The following ABI2 variants were observed in gnomAD, a reference collection of about 807,000 sequenced individuals.
ABI2 encodes abl interactor 2.
A neutral mutation model predicts 59.2 loss-of-function variants in ABI2; 25 were observed. The ratio of observed to expected loss-of-function variants is 0.42; its 90% confidence interval spans 0.31 to 0.59. ABI2 has a LOEUF of 0.59. Ranked by LOEUF, ABI2 falls within the 20% of genes least tolerant of loss-of-function variation. The probability of loss-of-function intolerance (pLI) is 0.14; values close to 1 mark genes in which losing one functional copy is unlikely to be tolerated. For synonymous variants in ABI2, 213 were observed against 235.5 expected (o/e 0.90, Z 0.87); for missense variants, 545 against 681.8 (o/e 0.80, Z 2.23).
chr2:203,335,977 AAC>A (rs1240049770), intron 1 of ABI2, among the ~76,000 whole-genome samples: 11 of 152,166 alleles, frequency 7.2e-5, no homozygotes, highest in Non-Finnish European at 1.6e-4. Context: ...GCCTTTGGTA[AAC>A]ACTGATATAT....
At chr2:203,368,845 C>CT (rs1429448552) in intron 2 of ABI2, among the ~76,000 whole-genome samples, 1 of 151,014 alleles carries the variant, frequency 6.6e-6, no homozygotes, top group African/African-American at 2.4e-5. Context: ...GAGACAAAGT[C>CT]TTGCCCTGTT....
In ABI2 at chr2:203,395,660, A is replaced by C; in HGVS notation, c.730A>C (p.Ser244Arg). 6.2e-7 allele frequency: 1 copy of C among 1,609,456 alleles called. No homozygotes were observed. The highest frequency in any genetic ancestry group is 2.2e-5 in the East Asian group (1 of 44,568). ...VNQRNRTYSSSGSSGGSHPSS... is the reference protein window; with the variant it reads ...VNQRNRTYSSRGSSGGSHPSS... The stretch of plus-strand genomic sequence containing the variant: ...TGGTGGCTCTTATTTCTTTAGCAGC[A>C]GTGGGAGTAGTGGAGGGAGCCACCC... The change falls in exon 7 of 12, where the codon AGT becomes CGT. Residue 244 changes from serine (S) to arginine (R), a missense_variant. Physicochemically the swap from Ser to Arg is moderately radical, Grantham distance 110. Coordinates refer to ENST00000261018, the MANE Select transcript of ABI2 (RefSeq NM_001375670.1).
At chr2:203,416,108 G>C (rs557500454) in intron 10 of ABI2, among the ~76,000 whole-genome samples, 1 of 152,224 alleles carries the variant, frequency 6.6e-6, no homozygotes, top group South Asian at 2.1e-4. Context: ...TTCATTAAGA[G>C]GAAAGTAGTG....
At chr2:203,388,210 T>C (rs578036354) in intron 4 of ABI2, among the ~76,000 whole-genome samples, 4 of 152,290 alleles carry the variant, frequency 2.6e-5, no homozygotes, top group African/African-American at 7.2e-5. Context: ...TGAGGAAATA[T>C]TGAAAAACTC....
intron 11 of ABI2, among the ~76,000 whole-genome samples, chr2:203,417,308 A>G (rs1239262841): frequency 6.6e-6 from 1 of 152,180 alleles, no homozygotes; most frequent in African/African-American, 2.4e-5. Context: ...TTCCTATTGG[A>G]CATGCTTTTT....
At chr2:203,357,298 T>C (rs911282009) in intron 1 of ABI2, among the ~76,000 whole-genome samples, 18 of 152,200 alleles carry the variant, frequency 1.2e-4, no homozygotes, top group Admixed American at 2.0e-4. Context: ...AAATTAATTA[T>C]TTAAGAGCAA....
At chr2:203,336,297 C>G (rs1400802514) in intron 1 of ABI2, among the ~76,000 whole-genome samples, 1 of 152,138 alleles carries the variant, frequency 6.6e-6, no homozygotes, top group Non-Finnish European at 1.5e-5. Context: ...AGTCTTCACT[C>G]TTTTGGGTAA....
At chr2:203,416,817 A>G (rs1326136762) in intron 10 of ABI2, 91 bp from the exon 11 acceptor site, 1 of 1,289,452 alleles carries the variant, frequency 7.8e-7, no homozygotes, top group African/African-American at 1.5e-5. Flanking sequence ...TTTCAAGTCT[A>G]GGTTTATATT....
chr2:203,374,526 T>A (rs925987501), intron 2 of ABI2, among the ~76,000 whole-genome samples: 1 of 151,212 alleles, frequency 6.6e-6, no homozygotes, highest in African/African-American at 2.4e-5. Context: ...AAAAGGAATT[T>A]CCAATTTTAA....
chr2:203,376,753 A>G (rs1329020621), intron 2 of ABI2, among the ~76,000 whole-genome samples: 4 of 31,842 alleles, frequency 1.3e-4, no homozygotes, highest in African/African-American at 1.8e-4. Flanking sequence ...TTTTTTTTTT[A>G]CTGTTATGGT....
At chr2:203,366,706 ATAGTT>A (rs572556910) in intron 1 of ABI2, among the ~76,000 whole-genome samples, 166 bp from the exon 2 acceptor site, 21 of 152,364 alleles carry the variant, frequency 1.4e-4, no homozygotes, top group African/African-American at 4.8e-4. Flanking sequence ...AGTTCAGTCA[ATAGTT>A]TGGTTTGGGG....
At chr2:203,353,623 G>C (rs1576568715) in intron 1 of ABI2, among the ~76,000 whole-genome samples, 1 of 151,946 alleles carries the variant, frequency 6.6e-6, no homozygotes, top group Non-Finnish European at 1.5e-5. Flanking sequence ...AGGACTACAG[G>C]CATGTGCCAC....
chr2:203,376,653 C>T lies in ABI2; in HGVS notation c.286-3555C>T, dbSNP rs192825025. On this transcript the variant is annotated intron_variant, in intron 2 of 11. Transcript: ENST00000261018. Reference sequence around the variant, plus strand: ...GCCTTCTCTCCCTGGAGGCTTAGTGCCAATTTTTTTGCTCTATTATAACAA... The same window carrying T: ...GCCTTCTCTCCCTGGAGGCTTAGTGTCAATTTTTTTGCTCTATTATAACAA... Among the ~76,000 whole-genome samples the T allele has an allele frequency of 2.6e-5, 4 of 151,568 alleles. No homozygotes were observed. The East Asian group carries it at 7.7e-4, about 29-fold the overall frequency.
intron 1 of ABI2, among the ~76,000 whole-genome samples, chr2:203,347,679 G>A (rs2084561525): frequency 6.6e-6 from 1 of 152,194 alleles, no homozygotes; most frequent in South Asian, 2.1e-4. Context: ...TAATACTTTA[G>A]GTTTATTCTG....
intron 1 of ABI2, among the ~76,000 whole-genome samples, chr2:203,341,827 C>T (rs1317273157): frequency 6.6e-6 from 1 of 152,134 alleles, no homozygotes; most frequent in Admixed American, 6.5e-5. Flanking sequence ...TAGATATGGC[C>T]AACAGAATTG....
intron 11 of ABI2, among the ~76,000 whole-genome samples, chr2:203,421,964 C>CA (rs35435663): frequency 0.08 from 8,156 of 102,502 alleles, 507 homozygotes; most frequent in African/African-American, 0.19. Flanking sequence ...GACTCTGTCT[C>CA]AAAAAAAAAA....
chr2:203,386,430 G>GTTTTTTTTTTTTTTT (rs71007512), intron 4 of ABI2: 1 of 63,888 alleles, frequency 1.6e-5, no homozygotes, highest in African/African-American at 8.6e-5. Context: ...ACTCCTGGCT[G>GTTTTTTTTTTTTTTT]TTTTTTTTTT....
intron 2 of ABI2, among the ~76,000 whole-genome samples, chr2:203,370,564 G>A (rs2095069957): frequency 6.6e-6 from 1 of 152,196 alleles, no homozygotes; most frequent in Admixed American, 6.5e-5. Context: ...CTGGCATGGA[G>A]CCTTAGTTTG....
rs995996828 is a variant in ABI2 at position 203,420,297 on chromosome 2, T to C, written c.1453+3216T>C. ...ACTTTTGTAAAGCCATCTATTCTTT[T>C]GTTCTTCTGGCTCAGTGATACAGCT... On this transcript the variant is annotated intron_variant, in intron 11 of 11. Transcript: ENST00000261018. 3.3e-5 allele frequency among the ~76,000 whole-genome samples: 5 copies of C among 152,366 alleles called. No individual in the cohort carries two copies. In the South Asian group the frequency reaches 6.2e-4, roughly 19 times the overall value.
Sources: gnomAD v4.1 joint callset for allele counts (sites outside exome capture counted in the v4.1 genomes callset) on GRCh38, gnomAD v4.1.1 for gene constraint, MANE v1.5 for transcripts, NCBI Gene and HGNC (gene_info 2026-07-23, HGNC 2026-07-21) for gene names.